PRTFDC1: variants seen among roughly 807,000 people sequenced by gnomAD.
PRTFDC1 encodes phosphoribosyltransferase domain-containing protein 1.
Under a neutral mutation model 34.6 loss-of-function variants are expected in PRTFDC1, and 38 were observed. The ratio of observed to expected loss-of-function variants is 1.10; its 90% CI spans 0.85 to 1.44. The LOEUF (loss-of-function observed/expected upper bound fraction) is 1.44, where lower values mean the gene tolerates loss of function less well. Ranked by LOEUF, PRTFDC1 falls within the 40% of genes most tolerant of loss-of-function variation. The pLI is 0.00. For synonymous variants in PRTFDC1, 93 were observed against 98.1 expected, an observed-to-expected ratio of 0.95 and a Z score of 0.31; for missense variants, 270 against 283.0, an observed-to-expected ratio of 0.95 and a Z score of 0.33.
intron 3 of PRTFDC1, among the ~76,000 whole-genome samples, chr10:24,902,100 G>A (rs1354455129): frequency 6.6e-6 from 1 of 152,196 alleles, no homozygotes; most frequent in Non-Finnish European, 1.5e-5. Flanking sequence ...CTGCAGCAAA[G>A]GGAGGGAAAG....
At chr10:24,934,498 A>G (rs1849020401) in intron 3 of PRTFDC1, among the ~76,000 whole-genome samples, 1 of 152,140 alleles carries the variant, frequency 6.6e-6, no homozygotes, top group African/African-American at 2.4e-5. Context: ...CTGATAAGAA[A>G]CATTTACAAT....
rs981466598 is a variant in PRTFDC1, at chr10:24,849,684, T to C, written c.*160A>G. 9.6e-6 allele frequency: 6 copies of C among 628,224 alleles called. No individual in the cohort carries two copies. Among genetic ancestry groups the C allele is most frequent in the Admixed American group, 3.0e-5 (1 of 33,574 alleles). The allele number at this position is 628,224 out of a possible 1,614,324, so 38.9% of individuals were successfully genotyped here. A position where few individuals can be genotyped will look rare whatever the true frequency, so the allele number is the denominator to read the frequency against. ...TTCCTTAGGAACCTTTGATACTCTT[T>C]ATATTAACCTCAGAAAAGAAAGCTC... On this transcript the variant is annotated 3_prime_UTR_variant, in exon 9 of 9. Transcript: ENST00000320152.
intron 3 of PRTFDC1, among the ~76,000 whole-genome samples, chr10:24,914,410 T>C (rs1216701792): frequency 1.3e-5 from 2 of 152,288 alleles, no homozygotes; most frequent in Non-Finnish European, 1.5e-5. Flanking sequence ...AACACCCATG[T>C]GTACTGAGAG....
intron 3 of PRTFDC1, among the ~76,000 whole-genome samples, chr10:24,887,347 C>G (rs114055572): frequency 6.6e-6 from 1 of 152,118 alleles, no homozygotes; most frequent in Non-Finnish European, 1.5e-5. Flanking sequence ...ATAATCCCCA[C>G]GTGTCATGGG....
intron 3 of PRTFDC1, among the ~76,000 whole-genome samples, chr10:24,897,454 G>C (rs1361405868): frequency 1.3e-5 from 2 of 152,138 alleles, no homozygotes; most frequent in African/African-American, 2.4e-5. Context: ...AGAAGGTTGT[G>C]GTATTTAGGA....
At chr10:24,929,881 T>C (rs2132596770) in intron 3 of PRTFDC1, among the ~76,000 whole-genome samples, 1 of 152,256 alleles carries the variant, frequency 6.6e-6, no homozygotes, top group African/African-American at 2.4e-5. Context: ...CCAAAAGGCC[T>C]CCCACTTCCA....
Position 24,849,721 on chromosome 10 carries a change from C to T in PRTFDC1, c.*123G>A. 1.2e-6 allele frequency: 1 copy of T among 830,530 alleles called. No homozygotes were observed. The highest frequency in any genetic ancestry group is 2.0e-6 in the Non-Finnish European group (1 of 508,440). 51.4% of individuals were successfully genotyped at this position (830,530 alleles called of 1,614,324 possible). ...AGAAAAGAAAGCTCTCTCATTTGAA[C>T]ATTTTTTTCTTTTATATCCTGCTGA... On this transcript the variant is annotated 3_prime_UTR_variant, in exon 9 of 9. Transcript: ENST00000320152.
chr10:24,945,137 C>T (rs978377268), intron 1 of PRTFDC1, among the ~76,000 whole-genome samples: 1 of 152,162 alleles, frequency 6.6e-6, no homozygotes, highest in African/African-American at 2.4e-5. Context: ...ACCTTCATAG[C>T]CTGTTTTACC....
intron 3 of PRTFDC1, among the ~76,000 whole-genome samples, chr10:24,884,692 G>C (rs6482452): frequency 0.85 from 129,739 of 152,224 alleles, 55,445 homozygotes; most frequent in African/African-American, 0.9. Context: ...AAGTAGGCCT[G>C]CCCTCCTCTT....
intron 3 of PRTFDC1, among the ~76,000 whole-genome samples, chr10:24,876,013 G>A (rs780418326): frequency 6.6e-6 from 1 of 151,976 alleles, no homozygotes; most frequent in Non-Finnish European, 1.5e-5. Flanking sequence ...AAGCCACCAC[G>A]CCTGGACTTA....
chr10:24,934,244 GA>G (rs1849014289), intron 3 of PRTFDC1, among the ~76,000 whole-genome samples: 7 of 141,366 alleles, frequency 5.0e-5, no homozygotes, highest in African/African-American at 1.9e-4. Context: ...AGAAGAAGAA[GA>G]AGGAGAAGAA....
chr10:24,933,439 A>T (rs1418511041), intron 3 of PRTFDC1, among the ~76,000 whole-genome samples: 1 of 152,210 alleles, frequency 6.6e-6, no homozygotes, highest in Non-Finnish European at 1.5e-5. Context: ...AAGATAGTTG[A>T]ACAAACACTT....
intron 3 of PRTFDC1, among the ~76,000 whole-genome samples, chr10:24,932,316 A>C (rs1848984349): frequency 6.6e-6 from 1 of 151,956 alleles, no homozygotes; most frequent in East Asian, 1.9e-4. Context: ...TGATCATGCA[A>C]TAAAAAGAAA....
intron 3 of PRTFDC1, among the ~76,000 whole-genome samples, chr10:24,900,800 G>A (rs988097653): frequency 6.6e-6 from 1 of 152,028 alleles, no homozygotes; most frequent in African/African-American, 2.4e-5. Flanking sequence ...AATAACCTGG[G>A]TAAGTACTGT....
At chr10:24,942,639 T>TATTTG (rs1327505866) in intron 1 of PRTFDC1, among the ~76,000 whole-genome samples, 1 of 152,144 alleles carries the variant, frequency 6.6e-6, no homozygotes, top group African/African-American at 2.4e-5. Context: ...CATCATAAAA[T>TATTTG]ATTTGTTTTG....
intron 3 of PRTFDC1, among the ~76,000 whole-genome samples, chr10:24,918,492 C>T (rs1848730901): frequency 6.6e-6 from 1 of 152,166 alleles, no homozygotes; most frequent in African/African-American, 2.4e-5. Context: ...TTATAGCTCA[C>T]CGCAGTCTTG....
At chr10:24,932,501 A>G (rs7080423) in intron 3 of PRTFDC1, among the ~76,000 whole-genome samples, 52,712 of 151,814 alleles carry the variant, frequency 0.35, 11,238 homozygotes, top group African/African-American at 0.6. Flanking sequence ...AATACTACCC[A>G]TAAATAATTG....
chr10:24,849,998 A>T, intron 8 of PRTFDC1, 107 bp from the exon 9 acceptor site: 3 of 1,015,888 alleles, frequency 3.0e-6, no homozygotes, highest in Non-Finnish European at 3.1e-6. Context: ...GCTATTGATC[A>T]TTTAAATAGA....
intron 3 of PRTFDC1, among the ~76,000 whole-genome samples, chr10:24,911,373 T>G (rs1848624175): frequency 6.6e-6 from 1 of 152,242 alleles, no homozygotes; most frequent in Non-Finnish European, 1.5e-5. Context: ...CTGAACACAG[T>G]GCACTTGAGA....
Sources: gnomAD v4.1 joint callset for allele counts (sites outside exome capture counted in the v4.1 genomes callset) on GRCh38, gnomAD v4.1.1 for gene constraint, MANE v1.5 for transcripts, NCBI Gene and HGNC (gene_info 2026-07-23, HGNC 2026-07-21) for gene names.